CWC27: variants seen among roughly 807,000 people sequenced by gnomAD.
CWC27 encodes the protein CWC27 spliceosome associated cyclophilin, also known as spliceosome-associated protein CWC27 homolog.
In CWC27, 47 loss-of-function variants were observed where a neutral mutation model predicts 63.6. That is an observed-to-expected ratio of 0.74 (90% confidence interval 0.58 to 0.94). The LOEUF is 0.94. Ranked by LOEUF, CWC27 falls within the 40% of genes least tolerant of loss-of-function variation. CWC27 has a pLI of 0.00. For synonymous variants in CWC27, 175 were observed against 179.8 expected (o/e 0.97, Z 0.22); for missense variants, 495 against 554.3 (o/e 0.89, Z 1.07).
At chr5:64,947,273 G>A (rs1748609277) in intron 11 of CWC27, among the ~76,000 whole-genome samples, 1 of 152,044 alleles carries the variant, frequency 6.6e-6, no homozygotes, top group African/African-American at 2.4e-5. Flanking sequence ...CATAAAAGAT[G>A]AGGGGGCTGG....
At chr5:64,818,822 A>G (rs11742448) in intron 10 of CWC27, among the ~76,000 whole-genome samples, 53,652 of 152,072 alleles carry the variant, frequency 0.35, 9,920 homozygotes, top group East Asian at 0.51. Flanking sequence ...GTTTGGCTTT[A>G]TACTCATTCT....
intron 7 of CWC27, among the ~76,000 whole-genome samples, chr5:64,798,260 C>T (rs906918865): frequency 6.6e-5 from 10 of 152,162 alleles, no homozygotes; most frequent in African/African-American, 2.4e-4. Context: ...TTTCTGAGGT[C>T]TCATGAGATC....
intron 10 of CWC27, among the ~76,000 whole-genome samples, chr5:64,883,491 T>A (rs550170534): frequency 6.6e-6 from 1 of 151,966 alleles, no homozygotes; most frequent in Admixed American, 6.6e-5. Flanking sequence ...ACAATTATAA[T>A]ATGGGAAGAA....
Position 64,833,866 on chromosome 5 carries a change from T to C in CWC27, c.938+29480T>C, listed in dbSNP as rs141043210. Among the ~76,000 whole-genome samples, 55 of 151,672 alleles carry C rather than the reference T, an allele frequency of 3.6e-4. 1 individual carries two copies. Among genetic ancestry groups the C allele is most frequent in the Admixed American group, 3.6e-3 (54 of 15,166 alleles). On this transcript the variant is annotated intron_variant, in intron 10 of 13. Transcript: ENST00000381070. ...AATTGCTCCTGTCTTTCTTGAACATTTGCCGGAACTTCTGATTGAAAGTAA... is the reference window on the plus strand; with the variant it reads ...AATTGCTCCTGTCTTTCTTGAACATCTGCCGGAACTTCTGATTGAAAGTAA...
intron 11 of CWC27, among the ~76,000 whole-genome samples, chr5:64,970,299 G>T (rs951456695): frequency 6.7e-6 from 1 of 148,560 alleles, no homozygotes; most frequent in Non-Finnish European, 1.5e-5. Context: ...TGCAAGCTCC[G>T]CCTCCCGGGT....
chr5:64,965,714 T>C (rs1749001698), intron 11 of CWC27, among the ~76,000 whole-genome samples: 1 of 152,210 alleles, frequency 6.6e-6, no homozygotes, highest in Non-Finnish European at 1.5e-5. Flanking sequence ...AGTTAGAGAA[T>C]ATTAAGTCTT....
rs1744581925 is a variant in CWC27 at position 64,804,245 on chromosome 5, G to A, written c.797G>A (p.Ser266Asn). The change falls in exon 10 of 14, where the codon AGT becomes AAT. Residue 266 changes from serine to asparagine, a missense_variant. Physicochemically the swap from Ser to Asn is conservative, Grantham distance 46 (BLOSUM62 1). This residue lies in a region of CWC27 where 463 missense variants were observed against 498.1 expected (regional missense o/e 0.93). Transcript: ENST00000381070. ...PDLVDDGEDE[S>N]AEHDEYIDGD... ...TTTCTACAGGATGGAGAAGATGAAA[G>A]TGCAGAGCATGATGAATATATTGAT... 3 of 1,608,850 alleles carry A rather than the reference G, an allele frequency of 1.9e-6. No individual in the cohort carries two copies. Among genetic ancestry groups the A allele is most frequent in the Admixed American group, 1.7e-5 (1 of 59,298 alleles).
chr5:64,774,569 C>A (rs750393204), intron 1 of CWC27, 122 bp from the exon 2 acceptor site: 26 of 516,538 alleles, frequency 5.0e-5, no homozygotes, highest in Non-Finnish European at 7.4e-5. Flanking sequence ...AAAAGCCAAA[C>A]ACAATTTTTA....
intron 11 of CWC27, among the ~76,000 whole-genome samples, chr5:64,908,456 C>T (rs1008819821): frequency 5.3e-5 from 8 of 152,128 alleles, no homozygotes; most frequent in Non-Finnish European, 1.0e-4. Flanking sequence ...CCTTCTGTCT[C>T]GTTGATCTGT....
intron 10 of CWC27, among the ~76,000 whole-genome samples, chr5:64,838,837 T>C (rs146854692): frequency 2.0e-5 from 3 of 152,320 alleles, no homozygotes; most frequent in East Asian, 3.9e-4. Context: ...GTAAAATCAC[T>C]TATGTTTGGA....
intron 13 of CWC27, among the ~76,000 whole-genome samples, chr5:65,002,709 A>G (rs1298162197): frequency 6.6e-6 from 1 of 152,098 alleles, no homozygotes; most frequent in African/African-American, 2.4e-5. Context: ...GGCTTCAACT[A>G]TGGTCTATTC....
chr5:64,886,601 T>G (rs1438180667), intron 11 of CWC27, among the ~76,000 whole-genome samples: 2 of 152,144 alleles, frequency 1.3e-5, no homozygotes, highest in African/African-American at 4.8e-5. Context: ...ATAGGTATTA[T>G]TATTGTTTAT....
intron 11 of CWC27, among the ~76,000 whole-genome samples, chr5:64,922,315 G>A (rs569098472): frequency 2.6e-5 from 4 of 152,170 alleles, no homozygotes; most frequent in Non-Finnish European, 5.9e-5. Context: ...ATTTATCAGA[G>A]GTTTTGTTCA....
intron 11 of CWC27, among the ~76,000 whole-genome samples, chr5:64,898,690 A>G (rs1370902522): frequency 6.6e-6 from 1 of 152,168 alleles, no homozygotes; most frequent in African/African-American, 2.4e-5. Flanking sequence ...AGATGGATAA[A>G]GACTCAAAAA....
intron 13 of CWC27, among the ~76,000 whole-genome samples, chr5:65,004,294 A>T (rs1243423710): frequency 6.8e-6 from 1 of 147,608 alleles, no homozygotes; most frequent in African/African-American, 2.5e-5. Context: ...TATGTTTTCT[A>T]TGCTTTTGCC....
chr5:64,840,610 T>C (rs1241114331), intron 10 of CWC27, among the ~76,000 whole-genome samples: 1 of 151,682 alleles, frequency 6.6e-6, no homozygotes, highest in Non-Finnish European at 1.5e-5. Flanking sequence ...CTATTAATGC[T>C]ATTGTTTGTT....
chr5:64,794,065 G>A (rs540637323), intron 7 of CWC27, among the ~76,000 whole-genome samples: 1 of 152,060 alleles, frequency 6.6e-6, no homozygotes, highest in Non-Finnish European at 1.5e-5. Flanking sequence ...ATAGCTCAAA[G>A]GGATTTTGTC....
At chr5:64,784,223 T>G (rs1055212263) in intron 4 of CWC27, among the ~76,000 whole-genome samples, 1 of 152,224 alleles carries the variant, frequency 6.6e-6, no homozygotes, top group Non-Finnish European at 1.5e-5. Context: ...GTATTCCTTC[T>G]TTAAAATCAT....
intron 13 of CWC27, among the ~76,000 whole-genome samples, chr5:65,010,269 A>G (rs1749923982): frequency 6.6e-6 from 1 of 152,182 alleles, no homozygotes; most frequent in Admixed American, 6.5e-5. Context: ...GATGTGGACA[A>G]AAGTATGCTG....
Sources: allele counts gnomAD v4.1 joint callset (sites outside exome capture counted in the v4.1 genomes callset), GRCh38; gene constraint gnomAD v4.1.1; regional missense constraint gnomAD v4.1.1; transcripts MANE v1.5; gene names NCBI Gene and HGNC (gene_info 2026-07-23, HGNC 2026-07-21).